Variants in EPG5 observed in about 807,000 individuals in gnomAD.
EPG5 encodes the protein ectopic P-granules 5 autophagy tethering factor.
EPG5 carries 159 observed loss-of-function variants against 302.7 expected under a neutral mutation model. The observed-to-expected ratio is 0.53, with a 90% CI of 0.46 to 0.60. EPG5 has a LOEUF of 0.60. EPG5 is among the 20% of genes least tolerant of loss of function. The pLI is 0.00. For synonymous variants in EPG5, 1,158 were observed against 1,136.8 expected (o/e 1.02, Z -0.37); for missense variants, 2,896 against 3,092.4 (o/e 0.94, Z 1.51).
rs1357071357 is a variant in EPG5 at position 45,937,247 on chromosome 18, C to T, written c.2100-2281G>A. ...ATATACATATATATACACACACACA[C>T]ACACACACACACACACACACACACA... On this transcript the variant is annotated intron_variant, in intron 10 of 43. Transcript: ENST00000282041. Among the ~76,000 whole-genome samples, 86 of 106,996 alleles carry T rather than the reference C, an allele frequency of 8.0e-4. 1 individual carries two copies. Among genetic ancestry groups the T allele is most frequent in the African/African-American group, 3.7e-3 (79 of 21,108 alleles). 70.2% of individuals were successfully genotyped at this position (106,996 alleles called of 152,430 possible).
chr18:45,805,022 T>C, the EPG5 span, among the ~76,000 whole-genome samples: 6 of 152,018 alleles, frequency 3.9e-5, no homozygotes, highest in African/African-American at 7.2e-5. Context: ...TCAAATCAGA[T>C]TATAAAAAGT....
the EPG5 span, chr18:45,837,105 T>C: frequency 1.2e-6 from 2 of 1,612,758 alleles, no homozygotes; most frequent in Non-Finnish European, 1.7e-6. Flanking sequence ...GCTTTTATTA[T>C]TATCACCATC....
At chr18:45,910,444 T>A in intron 23 of EPG5, 77 bp downstream of exon 23, 1 of 1,105,804 alleles carries the variant, frequency 9.0e-7, no homozygotes. Context: ...ATCTAGCAGT[T>A]TGTAACACAG....
At position 45,899,465 on chromosome 18, in the gene EPG5, T is replaced by G. The variant is rs772625462; in HGVS notation, c.4748A>C (p.His1583Pro). ...YVNREEQTTLHLECRGSSGKK... is the reference protein window; with the variant it reads ...YVNREEQTTLPLECRGSSGKK... ...ACCGCTGCTGCCTCTGCACTCCAAA[T>G]GTAGTGTGGTCTGTTCTTCACGATT... Residue 1583 changes from histidine to proline, a missense_variant, in exon 27 of 44, where the codon CAT (histidine) becomes CCT (proline). His to Pro is a moderately conservative substitution (Grantham distance 77). Coordinates refer to ENST00000282041, the MANE Select transcript of EPG5 (RefSeq NM_020964.3). 1.2e-6 allele frequency: 2 copies of G among 1,614,208 alleles called. No individual in the cohort carries two copies. Among genetic ancestry groups the G allele is most frequent in the South Asian group, 1.1e-5 (1 of 91,088 alleles).
chr18:45,889,786 T>C lies in EPG5; in HGVS notation c.4952+12A>G, dbSNP rs1358136020. 1.3e-6 allele frequency: 2 copies of C among 1,597,472 alleles called. No individual in the cohort carries two copies. The highest frequency in any genetic ancestry group is 1.7e-6 in the Non-Finnish European group (2 of 1,171,364). On this transcript the variant is annotated intron_variant, in intron 28 of 43. Coordinates refer to ENST00000282041, the MANE Select transcript of EPG5 (RefSeq NM_020964.3). ...AAACAGTATTTCAAATTATAATGCC[T>C]GCAAAACTTACGTGATCAAGTTTTC...
intron 10 of EPG5, among the ~76,000 whole-genome samples, chr18:45,935,245 C>T (rs1402086293): frequency 1.3e-5 from 2 of 152,132 alleles, no homozygotes; most frequent in African/African-American, 4.8e-5. Flanking sequence ...AAAACCAAGA[C>T]AATAATTATG....
the EPG5 span, among the ~76,000 whole-genome samples, chr18:45,818,741 T>TTTC: frequency 6.8e-6 from 1 of 147,352 alleles, no homozygotes; most frequent in East Asian, 2.0e-4. Context: ...ACTTTTTTTT[T>TTTC]TTTTTTTTTT....
rs762804161 is a variant in EPG5 at position 45,916,388 on chromosome 18, T to C, written c.3384+50A>G. 7 of 1,590,884 alleles carry C rather than the reference T, an allele frequency of 4.4e-6. No homozygotes were observed. The South Asian group carries it at 7.8e-5, about 18-fold the overall frequency. ...CTAAGTGTGCTAACGCTAGAGGTCT[T>C]GGTTGGGAAGACAGGCGGGAGTGTG... On this transcript the variant is annotated intron_variant, in intron 18 of 43. Coordinates refer to ENST00000282041, the MANE Select transcript of EPG5 (RefSeq NM_020964.3).
At position 45,907,997 on chromosome 18, in the gene EPG5, A is replaced by G; in HGVS notation, c.4290T>C (p.Tyr1430=). 2 of 1,598,270 alleles carry G rather than the reference A, an allele frequency of 1.3e-6. No individual in the cohort carries two copies. Among genetic ancestry groups the G allele is most frequent in the South Asian group, 2.3e-5 (2 of 86,770 alleles). Residue 1430 remains tyrosine, a synonymous_variant, in exon 24 of 44, where the codon TAT becomes TAC. Transcript: ENST00000282041. ...TCACTTTTGCTAGCCTGTGAATATCATAATGCTTTGGTAGAGAAGGGATAT... is the reference window on the plus strand; with the variant it reads ...TCACTTTTGCTAGCCTGTGAATATCGTAATGCTTTGGTAGAGAAGGGATAT... ...DTYIPSLPKH[Y]DIHRLAKVMQ...
intron 13 of EPG5, among the ~76,000 whole-genome samples, chr18:45,928,207 C>CAAA (rs2050320049): frequency 7.0e-6 from 1 of 142,050 alleles, no homozygotes; most frequent in African/African-American, 2.9e-5. Context: ...GAGCAAAACT[C>CAAA]CATCTCAAAA....
At chr18:45,955,444 A>G (rs2051006756) in intron 1 of EPG5, 106 bp from the exon 2 acceptor site, 1 of 750,410 alleles carries the variant, frequency 1.3e-6, no homozygotes, top group Non-Finnish European at 2.1e-6. Flanking sequence ...TCATGTAACA[A>G]ATGAAACCTA....
downstream of EPG5, among the ~76,000 whole-genome samples, chr18:45,845,241 G>T (rs962326875): frequency 6.6e-6 from 1 of 152,196 alleles, no homozygotes; most frequent in African/African-American, 2.4e-5. Context: ...GGCTTCTTGG[G>T]ACTGGAAGAA....
chr18:45,860,543 G>A (rs2048613442), intron 39 of EPG5, among the ~76,000 whole-genome samples, 197 bp from the exon 40 acceptor site: 1 of 152,220 alleles, frequency 6.6e-6, no homozygotes, highest in Admixed American at 6.5e-5. Flanking sequence ...CGGTTACTAA[G>A]AGTAAAAGCA....
intron 25 of EPG5, among the ~76,000 whole-genome samples, chr18:45,901,810 T>C (rs1391899757): frequency 6.6e-6 from 1 of 151,730 alleles, no homozygotes; most frequent in Middle Eastern, 3.2e-3. Context: ...GGTGAATCTC[T>C]ACCATGCAAC....
In EPG5 at chr18:45,858,723, G is replaced by A; in HGVS notation, c.7069C>T (p.Leu2357Phe). Residue 2357 changes from leucine to phenylalanine, a missense_variant, in exon 41 of 44, where the codon CTC becomes TTC. By Grantham distance (22) the Leu-to-Phe change is conservative. Coordinates refer to ENST00000282041, the MANE Select transcript of EPG5 (RefSeq NM_020964.3). ...TCCTGCAGGAACTCTTCCATGGTGA[G>A]CTCGGGAACCTGAAGGGATACCAGA... is the stretch of plus-strand genomic sequence containing the variant. ...PILVSLQVPE[L>F]TMEEFLQECL... is the part of the protein sequence containing the mutation. 1 of 1,614,158 alleles carries A rather than the reference G, an allele frequency of 6.2e-7. No individual in the cohort carries two copies. The highest frequency in any genetic ancestry group is 1.3e-5 in the African/African-American group (1 of 75,032).
the EPG5 span, among the ~76,000 whole-genome samples, chr18:45,814,311 A>G: frequency 6.6e-6 from 1 of 152,178 alleles, no homozygotes; most frequent in Admixed American, 6.5e-5. Context: ...ACTAGCTTGT[A>G]CTCTTCCAAA....
chr18:45,857,889 G>C lies in EPG5; in HGVS notation c.7406C>G (p.Ala2469Gly), dbSNP rs766612265. Residue 2469 changes from alanine (A) to glycine (G), a missense_variant, in exon 42 of 44, where the codon GCA becomes GGA. Physicochemically the swap from Ala to Gly is moderately conservative, Grantham distance 60. This residue lies in a region of EPG5 where 620 missense variants were observed against 704.2 expected (regional missense o/e 0.88). Coordinates refer to ENST00000282041, the MANE Select transcript of EPG5 (RefSeq NM_020964.3). ...AGGCGACTTCCGGCCAAACCCAATT[G>C]CCCCCAGGATCCCAGAGCTGAGTCT... ...EERLSSGILGAIGFGRKSPLS... is the reference protein window; with the variant it reads ...EERLSSGILGGIGFGRKSPLS... The C allele has an allele frequency of 1.2e-6, 2 of 1,612,284 alleles. No individual in the cohort carries two copies. The highest frequency in any genetic ancestry group is 1.7e-6 in the Non-Finnish European group (2 of 1,180,002).
rs2048416400 is a variant in EPG5, at chr18:45,850,994, T to C, written c.*1473A>G. On this transcript the variant is annotated 3_prime_UTR_variant, in exon 44 of 44. Transcript: ENST00000282041. ...TAAAACTCAAGAGACTAAACAGGGATGTTCTTTATCAGAGCTGCAAAGCGT... is the reference window on the plus strand; with the variant it reads ...TAAAACTCAAGAGACTAAACAGGGACGTTCTTTATCAGAGCTGCAAAGCGT... 1 of 152,248 alleles carries C rather than the reference T, an allele frequency of 6.6e-6. No homozygotes were observed. Among genetic ancestry groups the C allele is most frequent in the Non-Finnish European group, 1.5e-5 (1 of 68,030 alleles). 9.4% of individuals were successfully genotyped at this position (152,248 alleles called of 1,614,324 possible).
intron 12 of EPG5, among the ~76,000 whole-genome samples, chr18:45,929,979 T>C (rs143457120): frequency 3.1e-4 from 47 of 152,350 alleles, no homozygotes; most frequent in Non-Finnish European, 6.0e-4. Context: ...AGATATTTTG[T>C]ATGCAGATAA....
Sources: gnomAD v4.1 joint callset for allele counts (sites outside exome capture counted in the v4.1 genomes callset) on GRCh38, gnomAD v4.1.1 for gene constraint, gnomAD v4.1.1 regional missense constraint, MANE v1.5 for transcripts, NCBI Gene and HGNC (gene_info 2026-07-23, HGNC 2026-07-21) for gene names.